Variants in TRMT11 observed in about 807,000 individuals in gnomAD.
TRMT11 encodes tRNA (guanine(10)-N(2))-methyltransferase TRMT11.
A neutral mutation model predicts 62.8 loss-of-function variants in TRMT11; 53 were observed. The ratio of observed to expected loss-of-function variants is 0.84; its 90% CI spans 0.68 to 1.06. TRMT11 has a LOEUF of 1.06. Ranked by LOEUF, TRMT11 falls within the 50% of genes least tolerant of loss-of-function variation. The pLI is 0.00. For synonymous variants in TRMT11, 188 were observed against 190.3 expected, an observed-to-expected ratio of 0.99 and a Z score of 0.10; for missense variants, 556 against 553.4, an observed-to-expected ratio of 1.00 and a Z score of -0.05.
In TRMT11 at chr6:126,006,966, C is replaced by T. The variant is rs374417070; in HGVS notation, c.680-1426C>T. The stretch of plus-strand genomic sequence containing the variant: ...ACTAGTTCTTCTAGGTGAGTATCTG[C>T]CTTAATTGGCAGAATTGTAGTAATT... On this transcript the variant is annotated intron_variant, in intron 7 of 12. Coordinates refer to ENST00000334379, the MANE Select transcript of TRMT11 (RefSeq NM_001031712.3). 11 of 151,992 alleles carry T rather than the reference C, an allele frequency of 7.2e-5. No individual in the cohort carries two copies. The East Asian group carries it at 1.2e-3, about 16-fold the overall frequency. The allele number at this position is 151,992 out of a possible 1,614,324, so 9.4% of individuals were successfully genotyped here. A position where few individuals can be genotyped will look rare whatever the true frequency, so the allele number is the denominator to read the frequency against.
At chr6:126,149,213 C>T (rs1048227774) in intron 21 of TRMT11, among the ~76,000 whole-genome samples, 6 of 152,180 alleles carry the variant, frequency 3.9e-5, no homozygotes, top group Non-Finnish European at 8.8e-5. Flanking sequence ...TTGCCCAGAA[C>T]GGCTGGCTAA....
chr6:126,002,916 T>G (rs1792760786), intron 7 of TRMT11, among the ~76,000 whole-genome samples: 1 of 152,180 alleles, frequency 6.6e-6, no homozygotes, highest in Admixed American at 6.6e-5. Flanking sequence ...GGTATCATAC[T>G]GTGTGTGTTG....
chr6:126,210,970 A>G, the TRMT11 span, among the ~76,000 whole-genome samples: 3 of 134,704 alleles, frequency 2.2e-5, no homozygotes, highest in Admixed American at 1.7e-4. Flanking sequence ...AAAGTTAAAG[A>G]TAACATTCCC....
chr6:126,163,847 A>G (rs779562059), intron 21 of TRMT11, among the ~76,000 whole-genome samples: 1 of 152,012 alleles, frequency 6.6e-6, no homozygotes, highest in African/African-American at 2.4e-5. Flanking sequence ...TATTCTGTCT[A>G]TTTGATTCTT....
chr6:126,130,846 G>A (rs1287856049), intron 21 of TRMT11, among the ~76,000 whole-genome samples: 1 of 152,090 alleles, frequency 6.6e-6, no homozygotes, highest in Admixed American at 6.6e-5. Flanking sequence ...CTGGATGAAT[G>A]CTTGAATCCG....
chr6:126,243,451 G>C, the TRMT11 span, among the ~76,000 whole-genome samples: 47 of 152,178 alleles, frequency 3.1e-4, no homozygotes, highest in South Asian at 1.9e-3. Flanking sequence ...ACCCAAAGGA[G>C]TATAAATCAT....
rs550250498 is a variant in TRMT11 at position 126,178,914 on chromosome 6, C to G, written n.143+1579C>G. Reference sequence around the variant, plus strand: ...AATTCTGCCCGAAAAACATACTAAACTTCTCTGTTTAGAATTCTTTAGATA... The same window carrying G: ...AATTCTGCCCGAAAAACATACTAAAGTTCTCTGTTTAGAATTCTTTAGATA... On this transcript the variant is annotated intron_variant and non_coding_transcript_variant, in intron 1 of 3. Coordinates refer to the TRMT11 transcript ENST00000444229. Among the ~76,000 whole-genome samples, 351 of 152,190 alleles carry G rather than the reference C, an allele frequency of 2.3e-3. 1 individual carries two copies. The highest frequency in any genetic ancestry group is 8.1e-3 in the African/African-American group (336 of 41,526).
chr6:126,085,874 G>GT (rs1325188921), intron 17 of TRMT11, among the ~76,000 whole-genome samples: 1 of 152,168 alleles, frequency 6.6e-6, no homozygotes, highest in Non-Finnish European at 1.5e-5. Context: ...TGTAACAGAT[G>GT]TATCACTTGT....
chr6:126,109,900 G>A (rs1777510893), intron 17 of TRMT11, among the ~76,000 whole-genome samples: 1 of 152,108 alleles, frequency 6.6e-6, no homozygotes, highest in South Asian at 2.1e-4. Context: ...CCAGAAAATG[G>A]CAGAATTATT....
intron 21 of TRMT11, among the ~76,000 whole-genome samples, chr6:126,136,794 C>A (rs1204011464): frequency 6.6e-6 from 1 of 151,354 alleles, no homozygotes; most frequent in South Asian, 2.1e-4. Context: ...AGACATAGAC[C>A]AATGGAAGAG....
chr6:126,210,910 A>T, the TRMT11 span, among the ~76,000 whole-genome samples: 1 of 151,502 alleles, frequency 6.6e-6, no homozygotes, highest in South Asian at 2.1e-4. Flanking sequence ...TGGTTTACTC[A>T]TCTACTCTAT....
chr6:126,185,059 T>A lies in TRMT11; in HGVS notation n.143+7724T>A, dbSNP rs189241265. On this transcript the variant is annotated intron_variant and non_coding_transcript_variant, in intron 1 of 3. Transcript: ENST00000444229. ...GTCCACTCAAGTTTGAGGAACATTGTTCTAATTCAAAGAGTAATTCTAATT... is the reference window on the plus strand; with the variant it reads ...GTCCACTCAAGTTTGAGGAACATTGATCTAATTCAAAGAGTAATTCTAATT... 5.3e-3 allele frequency among the ~76,000 whole-genome samples: 809 copies of A among 152,258 alleles called. 9 individuals are homozygous for A. The highest frequency in any genetic ancestry group is 0.018 in the African/African-American group (729 of 41,566).
intron 17 of TRMT11, among the ~76,000 whole-genome samples, chr6:126,064,130 T>C (rs561896874): frequency 6.8e-6 from 1 of 146,340 alleles, no homozygotes; most frequent in Non-Finnish European, 1.5e-5. Context: ...TCGTGAGCAC[T>C]GGGGGAGGGA....
At chr6:126,270,130 A>G in the TRMT11 span, among the ~76,000 whole-genome samples, 2 of 152,348 alleles carry the variant, frequency 1.3e-5, no homozygotes, top group African/African-American at 2.4e-5. Context: ...TAACCACACC[A>G]AAAGGGGAAA....
intron 1 of TRMT11, among the ~76,000 whole-genome samples, chr6:126,192,993 GT>G (rs2128247948): frequency 6.6e-6 from 1 of 152,206 alleles, no homozygotes; most frequent in African/African-American, 2.4e-5. Context: ...TTTGAAATAG[GT>G]TAGTAGAATT....
intron 1 of TRMT11, among the ~76,000 whole-genome samples, chr6:125,991,480 C>T (rs528354297): frequency 6.4e-4 from 97 of 151,314 alleles, no homozygotes; most frequent in Admixed American, 1.1e-3. Flanking sequence ...TGTGAGGGGG[C>T]GGGAGGGGGT....
chr6:126,120,997 C>T (rs1777643545), intron 21 of TRMT11, among the ~76,000 whole-genome samples: 1 of 152,064 alleles, frequency 6.6e-6, no homozygotes, highest in South Asian at 2.1e-4. Context: ...CATCTTAAAC[C>T]TCTCCTATCT....
At chr6:126,129,615 C>T (rs1305144750) in intron 21 of TRMT11, among the ~76,000 whole-genome samples, 1 of 151,946 alleles carries the variant, frequency 6.6e-6, no homozygotes, top group Non-Finnish European at 1.5e-5. Context: ...CTTGATATCC[C>T]AGCCTCAGGT....
chr6:126,104,026 A>G (rs918655445), intron 17 of TRMT11, among the ~76,000 whole-genome samples: 1 of 152,238 alleles, frequency 6.6e-6, no homozygotes, highest in African/African-American at 2.4e-5. Flanking sequence ...TGAGACAATT[A>G]TATTTCACTT....
Sources: gnomAD v4.1 joint callset for allele counts (sites outside exome capture counted in the v4.1 genomes callset) on GRCh38, gnomAD v4.1.1 for gene constraint, MANE v1.5 for transcripts, NCBI Gene and HGNC (gene_info 2026-07-23, HGNC 2026-07-21) for gene names.